Variants in TSHZ2 observed in about 807,000 individuals in gnomAD.
TSHZ2 encodes teashirt homolog 2.
A neutral mutation model predicts 74.4 loss-of-function variants in TSHZ2; 21 were observed. The ratio of observed to expected loss-of-function variants is 0.28; its 90% CI spans 0.20 to 0.41. The LOEUF is 0.41. TSHZ2 is among the 10% of genes least tolerant of loss of function. The probability of loss-of-function intolerance (pLI) is 1.00; values close to 1 mark genes in which losing one functional copy is unlikely to be tolerated. For synonymous variants in TSHZ2, 540 were observed against 515.3 expected, an observed-to-expected ratio of 1.05 and a Z score of -0.65; for missense variants, 1,244 against 1,293.5, an observed-to-expected ratio of 0.96 and a Z score of 0.59.
At chr20:53,281,231 A>G (rs1254449323) in intron 2 of TSHZ2, among the ~76,000 whole-genome samples, 1 of 152,214 alleles carries the variant, frequency 6.6e-6, no homozygotes, top group South Asian at 2.1e-4. Context: ...TTTTCTGAGA[A>G]ACTGACATTT....
chr20:53,484,682 G>A (rs7262233), intron 2 of TSHZ2, among the ~76,000 whole-genome samples: 12,874 of 152,074 alleles, frequency 0.085, 595 homozygotes, highest in East Asian at 0.17. Flanking sequence ...CACCATGCTC[G>A]TCCTTTATCT....
chr20:53,010,514 T>C (rs1236613247), intron 1 of TSHZ2, among the ~76,000 whole-genome samples: 3 of 152,144 alleles, frequency 2.0e-5, no homozygotes, highest in Non-Finnish European at 4.4e-5. Context: ...ATTTTATGTG[T>C]GCCCAGCCTG....
chr20:53,228,669 T>G (rs1022072478), intron 1 of TSHZ2, among the ~76,000 whole-genome samples: 5 of 125,536 alleles, frequency 4.0e-5, no homozygotes, highest in African/African-American at 1.6e-4. Flanking sequence ...ACCTCCCGAG[T>G]TGAGACAACC....
intron 1 of TSHZ2, among the ~76,000 whole-genome samples, chr20:52,998,750 A>T (rs1982300498): frequency 6.6e-6 from 1 of 152,168 alleles, no homozygotes; most frequent in African/African-American, 2.4e-5. Context: ...CTGGGACCCC[A>T]CCATAGTGTC....
intron 2 of TSHZ2, among the ~76,000 whole-genome samples, chr20:53,421,949 G>A (rs67393385): frequency 0.087 from 13,145 of 151,844 alleles, 976 homozygotes; most frequent in East Asian, 0.33. Context: ...CCAAAGTGCT[G>A]GGATTACAGG....
intron 1 of TSHZ2, among the ~76,000 whole-genome samples, chr20:53,249,741 G>A (rs1218253362): frequency 1.3e-5 from 2 of 152,240 alleles, no homozygotes; most frequent in Non-Finnish European, 2.9e-5. Context: ...GGTGATGAGA[G>A]AGGGGCAGGG....
intron 1 of TSHZ2, among the ~76,000 whole-genome samples, chr20:53,177,766 G>A (rs767036628): frequency 6.6e-6 from 1 of 151,724 alleles, no homozygotes; most frequent in Non-Finnish European, 1.5e-5. Flanking sequence ...CACACATAAT[G>A]TTTCTAGGGA....
chr20:53,262,537 GA>G (rs1990624969), intron 2 of TSHZ2, among the ~76,000 whole-genome samples: 1 of 152,212 alleles, frequency 6.6e-6, no homozygotes, highest in Non-Finnish European at 1.5e-5. Context: ...CGAGGAACTT[GA>G]TTTGTCTGGC....
intron 2 of TSHZ2, among the ~76,000 whole-genome samples, chr20:53,477,605 G>A (rs1179146549): frequency 6.8e-6 from 1 of 147,214 alleles, no homozygotes; most frequent in Non-Finnish European, 1.5e-5. Flanking sequence ...GCATGGGCAA[G>A]GACTTCATGT....
intron 1 of TSHZ2, among the ~76,000 whole-genome samples, chr20:53,035,085 G>C (rs1480697451): frequency 1.3e-5 from 2 of 152,182 alleles, no homozygotes; most frequent in Non-Finnish European, 2.9e-5. Flanking sequence ...GTGGTTTGCA[G>C]GCAGCACCAC....
At chr20:53,407,876 T>A (rs1221366419) in intron 2 of TSHZ2, among the ~76,000 whole-genome samples, 1 of 152,246 alleles carries the variant, frequency 6.6e-6, no homozygotes, top group Non-Finnish European at 1.5e-5. Context: ...CACTGAAATC[T>A]GGCTTTCATG....
chr20:53,366,584 A>G (rs1051101783), intron 2 of TSHZ2, among the ~76,000 whole-genome samples: 5 of 152,166 alleles, frequency 3.3e-5, no homozygotes, highest in East Asian at 1.9e-4. Flanking sequence ...TCTTCGCCCA[A>G]CGCAGAGTGC....
chr20:53,413,754 C>T (rs1983137031), intron 2 of TSHZ2, among the ~76,000 whole-genome samples: 1 of 152,214 alleles, frequency 6.6e-6, no homozygotes, highest in African/African-American at 2.4e-5. Context: ...TTCTTCTATG[C>T]TGATACAGAG....
intron 2 of TSHZ2, among the ~76,000 whole-genome samples, chr20:53,409,210 A>G (rs1402952393): frequency 6.6e-6 from 1 of 152,090 alleles, no homozygotes; most frequent in African/African-American, 2.4e-5. Flanking sequence ...AACAAATGGC[A>G]TTTATGTTAA....
chr20:53,238,343 G>T (rs905680137), intron 1 of TSHZ2, among the ~76,000 whole-genome samples: 1 of 152,084 alleles, frequency 6.6e-6, no homozygotes, highest in African/African-American at 2.4e-5. Context: ...CACCAAAAGG[G>T]GAGGAACTAG....
chr20:53,226,748 G>A (rs1297792235), intron 1 of TSHZ2, among the ~76,000 whole-genome samples: 1 of 151,942 alleles, frequency 6.6e-6, no homozygotes, highest in Admixed American at 6.6e-5. Flanking sequence ...GTGTTTAGTG[G>A]CCTCCTCAGC....
At chr20:53,218,458 C>G (rs949013622) in intron 1 of TSHZ2, among the ~76,000 whole-genome samples, 1 of 152,232 alleles carries the variant, frequency 6.6e-6, no homozygotes, top group African/African-American at 2.4e-5. Context: ...ACAGCATTGC[C>G]AAAATTTGTC....
At chr20:53,438,722 A>G (rs961487254) in intron 2 of TSHZ2, among the ~76,000 whole-genome samples, 1 of 152,142 alleles carries the variant, frequency 6.6e-6, no homozygotes, top group Non-Finnish European at 1.5e-5. Flanking sequence ...GCATTTTGGG[A>G]GGCCAAGGCA....
chr20:53,294,437 A>T (rs139729718), intron 2 of TSHZ2, among the ~76,000 whole-genome samples: 32 of 152,238 alleles, frequency 2.1e-4, no homozygotes, highest in Non-Finnish European at 3.5e-4. Flanking sequence ...GAGTGAGATC[A>T]TCTGCATCAA....
Sources: gnomAD v4.1 joint callset for allele counts (sites outside exome capture counted in the v4.1 genomes callset) on GRCh38, gnomAD v4.1.1 for gene constraint, MANE v1.5 for transcripts, NCBI Gene and HGNC (gene_info 2026-07-23, HGNC 2026-07-21) for gene names.